The following STON1 variants were observed in gnomAD, a reference collection of about 807,000 sequenced individuals.
STON1 encodes stonin-1.
A neutral mutation model predicts 60.9 loss-of-function variants in STON1; 79 were observed. The ratio of observed to expected loss-of-function variants is 1.30; its 90% CI spans 1.08 to 1.56. STON1 has a LOEUF of 1.56. Ranked by LOEUF, STON1 falls within the 40% of genes most tolerant of loss-of-function variation. The pLI, the probability that STON1 is intolerant of heterozygous loss-of-function variation, is 0.00. For missense variants in STON1, 1,166 were observed against 858.9 expected (o/e 1.36, Z -4.47); for synonymous variants, 363 against 306.9 (o/e 1.18, Z -1.91).
chr2:48,582,909 G>A (rs1478284978), intron 2 of STON1, among the ~76,000 whole-genome samples: 1 of 152,166 alleles, frequency 6.6e-6, no homozygotes, highest in African/African-American at 2.4e-5. Context: ...TAATATAGCT[G>A]AGATTCCCTA....
chr2:48,560,409 G>A (rs1672560616), intron 1 of STON1, among the ~76,000 whole-genome samples: 1 of 152,202 alleles, frequency 6.6e-6, no homozygotes, highest in South Asian at 2.1e-4. Flanking sequence ...GGACCCCTTA[G>A]GGATAATGCC....
intron 1 of STON1, among the ~76,000 whole-genome samples, chr2:48,574,162 G>C (rs563035791): frequency 2.6e-5 from 4 of 152,192 alleles, no homozygotes; most frequent in South Asian, 2.1e-4. Flanking sequence ...GATCACTTGA[G>C]ATCAGGAGTT....
chr2:48,558,755 T>C (rs1344704396), intron 1 of STON1, among the ~76,000 whole-genome samples: 2 of 152,224 alleles, frequency 1.3e-5, no homozygotes, highest in Non-Finnish European at 2.9e-5. Context: ...CCATGAAGCC[T>C]TCCTTGCTCC....
In STON1 at chr2:48,581,545, A is replaced by T. The variant is rs1673886802; in HGVS notation, c.912A>T (p.Gly304=). The change falls in exon 2 of 4, where the codon GGA becomes GGT. Residue 304 remains glycine, a synonymous_variant. Coordinates refer to ENST00000404752, the MANE Select transcript of STON1 (RefSeq NM_006873.4). ...CAATTTTTCTGAAAGTTTTGCCTGG[A>T]GGAATTTTGCAGATGTATTATGAAC... The part of the protein sequence containing the change: ...WGPIFLKVLP[G]GILQMYYEQG... 2.5e-6 allele frequency: 4 copies of T among 1,614,104 alleles called. No homozygotes were observed. In the South Asian group the frequency reaches 3.3e-5, roughly 13 times the overall value.
intron 1 of STON1, among the ~76,000 whole-genome samples, chr2:48,567,202 CA>C (rs1169023488): frequency 6.6e-6 from 1 of 152,164 alleles, no homozygotes; most frequent in Admixed American, 6.5e-5. Context: ...AAATACCCCA[CA>C]TGTTTGCGAT....
chr2:48,585,494 C>T (rs1243147412), intron 2 of STON1, among the ~76,000 whole-genome samples: 2 of 152,126 alleles, frequency 1.3e-5, no homozygotes, highest in Non-Finnish European at 2.9e-5. Context: ...GGTGATCCAC[C>T]CGCCTCGGCC....
rs117810287 is a variant in STON1, at chr2:48,570,424, G to A, written c.-47-10163G>A. Among the ~76,000 whole-genome samples the A allele has an allele frequency of 8.1e-4, 124 of 152,306 alleles. 2 individuals are homozygous for A. The East Asian group carries it at 0.023, about 28-fold the overall frequency. ...CTGTGTGCAAGTGCAACCTTTGTTC[G>A]TGTTTTGTGTGAACCCTCCTATTGC... On this transcript the variant is annotated intron_variant, in intron 1 of 3. Coordinates refer to ENST00000404752, the MANE Select transcript of STON1 (RefSeq NM_006873.4).
Position 48,570,973 on chromosome 2 carries a change from C to A in STON1, c.-47-9614C>A, listed in dbSNP as rs553058411. Among the ~76,000 whole-genome samples, 9 of 150,810 alleles carry A rather than the reference C, an allele frequency of 6.0e-5. No individual in the cohort carries two copies. In the South Asian group the frequency reaches 1.9e-3, roughly 32 times the overall value. The stretch of plus-strand genomic sequence containing the variant: ...CACCTCCTGGGCTCAAGCGATTCTC[C>A]TGCCTCAGCCTCCCGAGTAGCTGTG... On this transcript the variant is annotated intron_variant, in intron 1 of 3. Coordinates refer to ENST00000404752, the MANE Select transcript of STON1 (RefSeq NM_006873.4).
Position 48,569,500 on chromosome 2 carries a change from A to G in STON1, c.-47-11087A>G, listed in dbSNP as rs143101683. Among the ~76,000 whole-genome samples, 676 of 152,328 alleles carry G rather than the reference A, an allele frequency of 4.4e-3. 8 individuals are homozygous for G. The highest frequency in any genetic ancestry group is 0.016 in the African/African-American group (645 of 41,576). On this transcript the variant is annotated intron_variant, in intron 1 of 3. Coordinates refer to ENST00000404752, the MANE Select transcript of STON1 (RefSeq NM_006873.4). ...TAATTTGTGGAAAAGTGAAAAGACC[A>G]TTTAAAATTATTCAATCAGAAATGT...
rs185074302 is a variant in STON1, at chr2:48,566,364, C to T, written c.-47-14223C>T. The stretch of plus-strand genomic sequence containing the variant: ...CTAATTTTTGTATTTTTAGTAGAGA[C>T]GGGGTTTCACCATGTTGGTCAGGCT... On this transcript the variant is annotated intron_variant, in intron 1 of 3. Transcript: ENST00000404752. Among the ~76,000 whole-genome samples the T allele has an allele frequency of 7.1e-3, 1,075 of 152,164 alleles. 6 individuals carry two copies. The highest frequency in any genetic ancestry group is 0.011 in the Non-Finnish European group (741 of 67,994).
At chr2:48,588,525 A>AT (rs547072340) in intron 2 of STON1, among the ~76,000 whole-genome samples, 142 of 152,000 alleles carry the variant, frequency 9.3e-4, no homozygotes, top group African/African-American at 3.2e-3. Flanking sequence ...AATTTTTTGT[A>AT]TTTTTGGTAG....
chr2:48,565,720 AAAGG>A (rs1558608439), intron 1 of STON1, among the ~76,000 whole-genome samples: 1 of 152,208 alleles, frequency 6.6e-6, no homozygotes, highest in Non-Finnish European at 1.5e-5. Context: ...CAGGTGTTCT[AAAGG>A]CTAGAGTAGG....
At chr2:48,563,779 A>G (rs956303589) in intron 1 of STON1, among the ~76,000 whole-genome samples, 1 of 151,848 alleles carries the variant, frequency 6.6e-6, no homozygotes, top group African/African-American at 2.4e-5. Flanking sequence ...ATGCAGCGTC[A>G]ACCTTCCAGG....
intron 1 of STON1, among the ~76,000 whole-genome samples, chr2:48,554,714 T>TATTTATTTATTTA (rs1553357117): frequency 0.024 from 1,448 of 60,466 alleles, 208 homozygotes; most frequent in African/African-American, 0.077. Context: ...AAAATTTTTT[T>TATTTATTTATTTA]TTTTTTTTTT....
In STON1 at chr2:48,567,820, C is replaced by T. The variant is rs145228371; in HGVS notation, c.-47-12767C>T. On this transcript the variant is annotated intron_variant, in intron 1 of 3. Coordinates refer to ENST00000404752, the MANE Select transcript of STON1 (RefSeq NM_006873.4). ...TTGTTTCCAGGATATACAGTTGTTTCTGGAATGTACAGTAGCTAGATTGCA... is the reference window on the plus strand; with the variant it reads ...TTGTTTCCAGGATATACAGTTGTTTTTGGAATGTACAGTAGCTAGATTGCA... Among the ~76,000 whole-genome samples, 581 of 151,448 alleles carry T rather than the reference C, an allele frequency of 3.8e-3. 4 individuals are homozygous for T. The highest frequency in any genetic ancestry group is 0.013 in the African/African-American group (544 of 41,388).
intron 1 of STON1, among the ~76,000 whole-genome samples, chr2:48,557,301 C>G (rs1471771454): frequency 1.4e-5 from 1 of 68,978 alleles, no homozygotes; most frequent in Admixed American, 1.4e-4. Context: ...CAGACGGGGT[C>G]TCGGCCGGGC....
chr2:48,592,734 T>G (rs1428912579), intron 3 of STON1, among the ~76,000 whole-genome samples: 7 of 152,016 alleles, frequency 4.6e-5, no homozygotes, highest in Non-Finnish European at 8.8e-5. Context: ...GTGCTGGGAT[T>G]ACAGGCGTAA....
At chr2:48,559,687 G>A (rs1572947057) in intron 1 of STON1, among the ~76,000 whole-genome samples, 1 of 152,148 alleles carries the variant, frequency 6.6e-6, no homozygotes, top group Non-Finnish European at 1.5e-5. Flanking sequence ...GGCAGGGCTG[G>A]GATTGAAACA....
Position 48,581,860 on chromosome 2 carries a change from C to G in STON1, c.1227C>G (p.Asn409Lys), listed in dbSNP as rs201415395. ...CAGCTGTTTCAAAACCAAAAAAGAA[C>G]TACGAGGAGCAAGAAATTTCCTTGG... ...KLPAVSKPKKNYEEQEISLEI... is the reference protein window; with the variant it reads ...KLPAVSKPKKKYEEQEISLEI... The change falls in exon 2 of 4, where the codon AAC becomes AAG. Residue 409 changes from asparagine (N) to lysine (K), a missense_variant. Physicochemically the swap from Asn to Lys is moderately conservative, Grantham distance 94 (BLOSUM62 0). Transcript: ENST00000404752. 1.5e-5 allele frequency: 24 copies of G among 1,614,106 alleles called. No homozygotes were observed. Among genetic ancestry groups the G allele is most frequent in the Non-Finnish European group, 5.9e-6 (7 of 1,180,022 alleles).
Sources: allele counts gnomAD v4.1 joint callset (sites outside exome capture counted in the v4.1 genomes callset), GRCh38; gene constraint gnomAD v4.1.1; transcripts MANE v1.5; gene names NCBI Gene and HGNC (gene_info 2026-07-23, HGNC 2026-07-21).